CAMK1D: variants seen among roughly 807,000 people sequenced by gnomAD.
CAMK1D encodes calcium/calmodulin-dependent protein kinase type 1D.
In CAMK1D, 9 loss-of-function variants were observed where a neutral mutation model predicts 47.7. The ratio of observed to expected loss-of-function variants is 0.19; its 90% CI spans 0.11 to 0.33. The LOEUF (loss-of-function observed/expected upper bound fraction) is 0.33. Ranked by LOEUF, CAMK1D falls within the 10% of genes least tolerant of loss-of-function variation. The pLI, the probability that CAMK1D is intolerant of heterozygous loss-of-function variation, is 1.00. For synonymous variants in CAMK1D, 184 were observed against 184.9 expected, an observed-to-expected ratio of 0.99 and a Z score of 0.04; for missense variants, 291 against 488.7, an observed-to-expected ratio of 0.60 and a Z score of 3.81.
At chr10:12,473,457 A>G (rs577510981) in intron 1 of CAMK1D, among the ~76,000 whole-genome samples, 3 of 152,278 alleles carry the variant, frequency 2.0e-5, no homozygotes, top group Non-Finnish European at 4.4e-5. Context: ...AACTGTAACA[A>G]TAATGAACCC....
chr10:12,793,928 C>G (rs1838086862), intron 6 of CAMK1D, among the ~76,000 whole-genome samples: 1 of 152,190 alleles, frequency 6.6e-6, no homozygotes, highest in South Asian at 2.1e-4. Context: ...AAGCGACATG[C>G]AAGAAGTAAC....
intron 1 of CAMK1D, among the ~76,000 whole-genome samples, chr10:12,439,909 G>A (rs1453631670): frequency 6.6e-6 from 1 of 152,208 alleles, no homozygotes; most frequent in Non-Finnish European, 1.5e-5. Flanking sequence ...GCAGGCAAGA[G>A]AGAGAATGAG....
intron 5 of CAMK1D, among the ~76,000 whole-genome samples, chr10:12,778,765 C>T (rs1315292847): frequency 6.6e-6 from 1 of 152,092 alleles, no homozygotes; most frequent in African/African-American, 2.4e-5. Context: ...CCCAGCTATT[C>T]AGGAGGCTGA....
At chr10:12,652,134 A>G (rs189434461) in intron 2 of CAMK1D, among the ~76,000 whole-genome samples, 42 of 152,218 alleles carry the variant, frequency 2.8e-4, no homozygotes, top group African/African-American at 9.1e-4. Flanking sequence ...TGTCAGTAAT[A>G]GTCTTTACTA....
chr10:12,723,541 G>T (rs1312910835), intron 3 of CAMK1D, among the ~76,000 whole-genome samples: 2 of 152,128 alleles, frequency 1.3e-5, no homozygotes, highest in Admixed American at 1.3e-4. Flanking sequence ...TTGCAATATG[G>T]TACAGATGAA....
At chr10:12,450,227 A>C (rs1396669062) in intron 1 of CAMK1D, among the ~76,000 whole-genome samples, 1 of 152,152 alleles carries the variant, frequency 6.6e-6, no homozygotes, top group Non-Finnish European at 1.5e-5. Flanking sequence ...TATCACAACT[A>C]ATACAATTAA....
At chr10:12,421,999 G>A (rs1448331271) in intron 1 of CAMK1D, among the ~76,000 whole-genome samples, 1 of 151,972 alleles carries the variant, frequency 6.6e-6, no homozygotes, top group Non-Finnish European at 1.5e-5. Context: ...AGTAGAGATG[G>A]GGTTTCACCA....
chr10:12,711,912 A>C (rs1833952542), intron 3 of CAMK1D, among the ~76,000 whole-genome samples: 1 of 152,208 alleles, frequency 6.6e-6, no homozygotes, highest in African/African-American at 2.4e-5. Context: ...ATTTAGATGT[A>C]TACCTCCCAT....
chr10:12,777,027 C>G (rs1448991993), intron 5 of CAMK1D, among the ~76,000 whole-genome samples: 1 of 152,094 alleles, frequency 6.6e-6, no homozygotes, highest in Non-Finnish European at 1.5e-5. Flanking sequence ...AGCCAGTAGG[C>G]AAATTTGCAG....
chr10:12,613,628 G>C (rs541405479), intron 2 of CAMK1D, among the ~76,000 whole-genome samples: 6 of 152,294 alleles, frequency 3.9e-5, no homozygotes, highest in African/African-American at 9.6e-5. Context: ...ACAGGCGTCT[G>C]ACACCATGCC....
At chr10:12,399,837 T>C (rs142372649) in intron 1 of CAMK1D, among the ~76,000 whole-genome samples, 1 of 152,316 alleles carries the variant, frequency 6.6e-6, no homozygotes, top group East Asian at 1.9e-4. Context: ...AAATTTGTAA[T>C]GTTAGTTTCT....
At chr10:12,584,167 T>A (rs1349956920) in intron 2 of CAMK1D, among the ~76,000 whole-genome samples, 1 of 152,226 alleles carries the variant, frequency 6.6e-6, no homozygotes, top group Non-Finnish European at 1.5e-5. Flanking sequence ...CCCTAAGACT[T>A]GTGTGAGTAC....
intron 1 of CAMK1D, among the ~76,000 whole-genome samples, chr10:12,542,451 C>G (rs899234645): frequency 6.6e-6 from 1 of 152,202 alleles, no homozygotes; most frequent in South Asian, 2.1e-4. Flanking sequence ...TAGGGCAGGT[C>G]ATTTCAGCAC....
intron 3 of CAMK1D, among the ~76,000 whole-genome samples, chr10:12,724,543 G>A (rs368150161): frequency 2.6e-5 from 4 of 152,154 alleles, no homozygotes; most frequent in African/African-American, 7.2e-5. Flanking sequence ...TGTGATTGCT[G>A]GACAAAAGCA....
At chr10:12,501,802 C>T (rs895638366) in intron 1 of CAMK1D, among the ~76,000 whole-genome samples, 4 of 152,076 alleles carry the variant, frequency 2.6e-5, no homozygotes, top group African/African-American at 9.7e-5. Flanking sequence ...ATTATACAGC[C>T]TGAGTGTCAG....
intron 6 of CAMK1D, among the ~76,000 whole-genome samples, chr10:12,810,276 CTTT>C (rs36022032): frequency 1.6e-5 from 2 of 126,214 alleles, no homozygotes; most frequent in Non-Finnish European, 1.6e-5. Flanking sequence ...CCTAGCACCA[CTTT>C]TTTTTTTTTT....
At position 12,832,795 on chromosome 10, in the gene CAMK1D, G is replaced by A. The variant is rs766278362; in HGVS notation, c.*3908G>A. 6.6e-6 allele frequency: 1 copy of A among 152,430 alleles called. No homozygotes were observed. The highest frequency in any genetic ancestry group is 1.5e-5 in the Non-Finnish European group (1 of 68,258). The allele number at this position is 152,430 out of a possible 1,614,324, so 9.4% of individuals were successfully genotyped here. The stretch of plus-strand genomic sequence containing the variant: ...GTAGTGTCCAGGGCCCCGGCAGTCA[G>A]GATAGAGCGAGCAAAAGAAGATGGA... On this transcript the variant is annotated 3_prime_UTR_variant, in exon 11 of 11. Transcript: ENST00000619168.
chr10:12,722,440 C>A (rs553547492), intron 3 of CAMK1D, among the ~76,000 whole-genome samples: 1 of 105,040 alleles, frequency 9.5e-6, no homozygotes, highest in Non-Finnish European at 1.8e-5. Flanking sequence ...AAGTGAGACT[C>A]CGCCTCAAAA....
intron 1 of CAMK1D, among the ~76,000 whole-genome samples, chr10:12,407,419 C>G (rs1178340740): frequency 6.6e-6 from 1 of 152,250 alleles, no homozygotes; most frequent in African/African-American, 2.4e-5. Context: ...TTCCTTCTCA[C>G]TGAAGCGTCT....
Sources: allele counts gnomAD v4.1 joint callset (sites outside exome capture counted in the v4.1 genomes callset), GRCh38; gene constraint gnomAD v4.1.1; transcripts MANE v1.5; gene names NCBI Gene and HGNC (gene_info 2026-07-23, HGNC 2026-07-21).